The following AARD variants were observed in gnomAD, a reference collection of about 807,000 sequenced individuals.
The protein encoded by AARD is alanine- and arginine-rich domain-containing protein.
A neutral mutation model predicts 9.3 loss-of-function variants in AARD; 9 were observed. That is an observed-to-expected ratio of 0.97 (90% CI 0.58 to 1.69). The LOEUF (loss-of-function observed/expected upper bound fraction) is 1.69, where lower values mean the gene tolerates loss of function less well. AARD is among the 40% of genes most tolerant of loss of function. AARD has a pLI of 0.00. For synonymous variants in AARD, 91 were observed against 93.8 expected (o/e 0.97, Z 0.17); for missense variants, 236 against 210.3 (o/e 1.12, Z -0.76).
chr8:116,943,581 A>G lies in AARD; in HGVS notation c.*880A>G, dbSNP rs568692760. Reference sequence around the variant, plus strand: ...ATGGGCACTAAAAGAGTAGATGACTATTTCTGCCAGTAGAAGCTGTGGATC... The same window carrying G: ...ATGGGCACTAAAAGAGTAGATGACTGTTTCTGCCAGTAGAAGCTGTGGATC... On this transcript the variant is annotated 3_prime_UTR_variant, in exon 2 of 2. Transcript: ENST00000378279. The G allele has an allele frequency of 1.3e-5, 2 of 151,726 alleles. No individual in the cohort carries two copies. Among genetic ancestry groups the G allele is most frequent in the East Asian group, 1.9e-4 (1 of 5,164 alleles). The allele number at this position is 151,726 out of a possible 1,614,324, so 9.4% of individuals were successfully genotyped here. A position where few individuals can be genotyped will look rare whatever the true frequency, so the allele number is the denominator to read the frequency against.
At position 116,943,234 on chromosome 8, in the gene AARD, T is replaced by C. The variant is rs1344091258; in HGVS notation, c.*533T>C. 2 of 152,284 alleles carry C rather than the reference T, an allele frequency of 1.3e-5. No homozygotes were observed. Among genetic ancestry groups the C allele is most frequent in the Non-Finnish European group, 1.5e-5 (1 of 68,028 alleles). 9.4% of individuals were successfully genotyped at this position (152,284 alleles called of 1,614,324 possible). ...TTTATTTGTTATTTTTACTGGGACA[T>C]AGAAGTAAAATATAACTATAGATAA... On this transcript the variant is annotated 3_prime_UTR_variant, in exon 2 of 2. Coordinates refer to ENST00000378279, the MANE Select transcript of AARD (RefSeq NM_001025357.3).
At chr8:116,938,599 G>C in intron 1 of AARD, 32 bp downstream of exon 1, 1 of 1,392,212 alleles carries the variant, frequency 7.2e-7, no homozygotes, top group South Asian at 1.6e-5. Context: ...ACGGCTCCCA[G>C]GGCTCCCTCT....
chr8:116,940,478 A>G (rs915766756), intron 1 of AARD, among the ~76,000 whole-genome samples: 2 of 152,230 alleles, frequency 1.3e-5, no homozygotes, highest in Non-Finnish European at 2.9e-5. Context: ...ACGATGGTCA[A>G]CATCTTGGTC....
chr8:116,938,533 T>A lies in AARD; in HGVS notation c.290T>A (p.Val97Asp), dbSNP rs1173331884. The stretch of plus-strand genomic sequence containing the variant: ...CGGGAGGAGCAGAGCTGGACGGGCG[T>A]TGAGGCCACCCTGGCCAGGCTGCGG... ...AAREEQSWTG[V>D]EATLARLRAE... Residue 97 changes from valine (V) to aspartate (D), a missense_variant, in exon 1 of 2, where the codon GTT (valine) becomes GAT (aspartate). Transcript: ENST00000378279. 6.8e-7 allele frequency: 1 copy of A among 1,471,280 alleles called. No homozygotes were observed. Among genetic ancestry groups the A allele is most frequent in the Non-Finnish European group, 8.9e-7 (1 of 1,121,916 alleles). 91.1% of individuals were successfully genotyped at this position (1,471,280 alleles called of 1,614,324 possible). A position where few individuals can be genotyped will look rare whatever the true frequency, so the allele number is the denominator to read the frequency against.
At chr8:116,941,732 T>G (rs1201614297) in intron 1 of AARD, among the ~76,000 whole-genome samples, 2 of 152,226 alleles carry the variant, frequency 1.3e-5, no homozygotes, top group East Asian at 3.8e-4. Flanking sequence ...ACCAACACAC[T>G]GTCCTGGTTC....
rs1001978966 is a variant in AARD, at chr8:116,944,310, A to T, written c.*1609A>T. 3.3e-5 allele frequency: 5 copies of T among 152,132 alleles called. No homozygotes were observed. The highest frequency in any genetic ancestry group is 1.2e-4 in the African/African-American group (5 of 41,404). 9.4% of individuals were successfully genotyped at this position (152,132 alleles called of 1,614,324 possible). ...TAGCCAGGCGTGGTGGTGCTCGCCTATAGTACCAGCTACTCAGGAGGCTGA... is the reference window on the plus strand; with the variant it reads ...TAGCCAGGCGTGGTGGTGCTCGCCTTTAGTACCAGCTACTCAGGAGGCTGA... On this transcript the variant is annotated 3_prime_UTR_variant, in exon 2 of 2. Coordinates refer to ENST00000378279, the MANE Select transcript of AARD (RefSeq NM_001025357.3).
rs1459252814 is a variant in AARD, at chr8:116,938,332, C to T, written c.89C>T (p.Pro30Leu). ...GGTAGAGCGGAGCTTTGGTTCCCAC[C>T]TCGTCCCGCGTGCGACTTCTTCGGG... ...LPGRAELWFPPRPACDFFGDG... is the reference protein window; with the variant it reads ...LPGRAELWFPLRPACDFFGDG... Residue 30 changes from proline to leucine, a missense_variant, in exon 1 of 2, where the codon CCT becomes CTT. By Grantham distance (98) the Pro-to-Leu change is moderately conservative. Transcript: ENST00000378279. 1.2e-6 allele frequency: 2 copies of T among 1,612,874 alleles called. No individual in the cohort carries two copies.
chr8:116,938,759 G>T (rs982597747), intron 1 of AARD, 192 bp downstream of exon 1: 78 of 807,104 alleles, frequency 9.7e-5, no homozygotes, highest in Non-Finnish European at 1.2e-4. Flanking sequence ...CATGGTGGGG[G>T]GTGGGGGCGG....
intron 1 of AARD, among the ~76,000 whole-genome samples, chr8:116,941,484 G>C (rs1256021612): frequency 6.6e-6 from 1 of 152,230 alleles, no homozygotes; most frequent in Non-Finnish European, 1.5e-5. Context: ...GGCCACCCTA[G>C]AGAGCTGAAG....
Position 116,943,950 on chromosome 8 carries a change from T to C in AARD, c.*1249T>C, listed in dbSNP as rs1813777322. Reference sequence around the variant, plus strand: ...CTATCTAACTGTACCCGAAAAGTGCTGTCTTTTTAATGCAAACAGTAAAGT... The same window carrying C: ...CTATCTAACTGTACCCGAAAAGTGCCGTCTTTTTAATGCAAACAGTAAAGT... On this transcript the variant is annotated 3_prime_UTR_variant, in exon 2 of 2. Transcript: ENST00000378279. The C allele has an allele frequency of 6.6e-6, 1 of 152,240 alleles. No homozygotes were observed. Among genetic ancestry groups the C allele is most frequent in the African/African-American group, 2.4e-5 (1 of 41,472 alleles). The allele number at this position is 152,240 out of a possible 1,614,324, so 9.4% of individuals were successfully genotyped here.
At chr8:116,940,112 A>C (rs1563713618) in intron 1 of AARD, among the ~76,000 whole-genome samples, 3 of 152,178 alleles carry the variant, frequency 2.0e-5, no homozygotes, top group Non-Finnish European at 4.4e-5. Flanking sequence ...GGTGGCAATA[A>C]AATCTAAACA....
intron 1 of AARD, among the ~76,000 whole-genome samples, chr8:116,941,941 T>C (rs757061724): frequency 5.3e-5 from 5 of 93,582 alleles, no homozygotes; most frequent in Admixed American, 1.2e-4. Context: ...GAGATCTTTT[T>C]TTAAACGCAC....
chr8:116,942,863 G>T lies in AARD; in HGVS notation c.*162G>T. The T allele has an allele frequency of 3.6e-6, 2 of 548,888 alleles. No individual in the cohort carries two copies. The highest frequency in any genetic ancestry group is 5.8e-5 in the South Asian group (2 of 34,334). The allele number at this position is 548,888 out of a possible 1,614,324, so 34.0% of individuals were successfully genotyped here. On this transcript the variant is annotated 3_prime_UTR_variant, in exon 2 of 2. Transcript: ENST00000378279. ...AAAATACAAAAAATTAGCCAGACGTGGTGGCAGGCACCTGTAGTCCCTGCT... is the reference window on the plus strand; with the variant it reads ...AAAATACAAAAAATTAGCCAGACGTTGTGGCAGGCACCTGTAGTCCCTGCT...
At chr8:116,938,593 C>T (rs1286943824) in intron 1 of AARD, 26 bp downstream of exon 1, 19 of 1,391,420 alleles carry the variant, frequency 1.4e-5, no homozygotes, top group Non-Finnish European at 1.8e-5. Context: ...AGGCGGACGG[C>T]TCCCAGGGCT....
chr8:116,938,785 C>A, intron 1 of AARD: 1 of 595,868 alleles, frequency 1.7e-6, no homozygotes, highest in Non-Finnish European at 2.6e-6. Context: ...CCTGGTCTAC[C>A]AGTGACATAC....
In AARD at chr8:116,944,178, AT is replaced by A. The variant is rs1813780923; in HGVS notation, c.*1479del. ...ACAAGCATGGTGGATCACGCTTGTA[AT>A]TCCAGCACTTTGGGAGGCTGAGGTG... On this transcript the variant is annotated 3_prime_UTR_variant, in exon 2 of 2. Coordinates refer to ENST00000378279, the MANE Select transcript of AARD (RefSeq NM_001025357.3). 1 of 152,218 alleles carries A rather than the reference AT, an allele frequency of 6.6e-6. No homozygotes were observed. The allele number at this position is 152,218 out of a possible 1,614,324, so 9.4% of individuals were successfully genotyped here.
At position 116,943,673 on chromosome 8, in the gene AARD, C is replaced by T. The variant is rs780440747; in HGVS notation, c.*972C>T. On this transcript the variant is annotated 3_prime_UTR_variant, in exon 2 of 2. Coordinates refer to ENST00000378279, the MANE Select transcript of AARD (RefSeq NM_001025357.3). ...CACACCCTAATGGAGGTGACTGAAA[C>T]GGAACCACTAAAAGCACAAAAGGGG... is the stretch of plus-strand genomic sequence containing the variant. The T allele has an allele frequency of 8.9e-5, 12 of 135,406 alleles. No individual in the cohort carries two copies. Among genetic ancestry groups the T allele is most frequent in the Admixed American group, 7.6e-4 (10 of 13,138 alleles). 8.4% of individuals were successfully genotyped at this position (135,406 alleles called of 1,614,324 possible).
chr8:116,941,918 G>T (rs1015917961), intron 1 of AARD, among the ~76,000 whole-genome samples: 1 of 151,900 alleles, frequency 6.6e-6, no homozygotes, highest in Non-Finnish European at 1.5e-5. Flanking sequence ...CTGCCCCCGG[G>T]TAACATGCCC....
At chr8:116,938,764 G>T in intron 1 of AARD, 197 bp downstream of exon 1, 2 of 758,006 alleles carry the variant, frequency 2.6e-6, no homozygotes, top group Non-Finnish European at 3.8e-6. Flanking sequence ...TGGGGGGTGG[G>T]GGCGGGGGTG....
Sources: allele counts gnomAD v4.1 joint callset (sites outside exome capture counted in the v4.1 genomes callset), GRCh38; gene constraint gnomAD v4.1.1; transcripts MANE v1.5; gene names NCBI Gene and HGNC (gene_info 2026-07-23, HGNC 2026-07-21).